The following MAP3K13 variants were observed in gnomAD, a reference collection of about 807,000 sequenced individuals.
MAP3K13 encodes the protein mitogen-activated protein kinase kinase kinase 13.
In MAP3K13, 52 loss-of-function variants were observed where a neutral mutation model predicts 104.0. The observed-to-expected ratio is 0.50, with a 90% CI of 0.40 to 0.63. The LOEUF is 0.63. Ranked by LOEUF, MAP3K13 falls within the 20% of genes least tolerant of loss-of-function variation. The probability of loss-of-function intolerance (pLI) is 0.00; values close to 1 mark genes in which losing one functional copy is unlikely to be tolerated. For missense variants in MAP3K13, 914 were observed against 1,218.5 expected (o/e 0.75, Z 3.72); for synonymous variants, 394 against 442.2 (o/e 0.89, Z 1.37).
chr3:185,429,759 G>A (rs556121948), intron 2 of MAP3K13, among the ~76,000 whole-genome samples: 1 of 152,256 alleles, frequency 6.6e-6, no homozygotes, highest in East Asian at 1.9e-4. Context: ...AGATTGTAGG[G>A]CTTAGATTAT....
intron 2 of MAP3K13, among the ~76,000 whole-genome samples, chr3:185,302,590 A>T (rs887899908): frequency 1.3e-5 from 2 of 151,490 alleles, no homozygotes; most frequent in African/African-American, 4.9e-5. Context: ...ATTCTTTTTG[A>T]TGCTATTATA....
chr3:185,369,300 T>C (rs12152228), intron 1 of MAP3K13, among the ~76,000 whole-genome samples: 72,872 of 152,106 alleles, frequency 0.48, 19,292 homozygotes, highest in Middle Eastern at 0.63. Flanking sequence ...CTCAAAGAGA[T>C]GGTGAACCAT....
At position 185,473,789 on chromosome 3, in the gene MAP3K13, C is replaced by A; in HGVS notation, c.2430+28C>A. 1 of 1,583,150 alleles carries A rather than the reference C, an allele frequency of 6.3e-7. No homozygotes were observed. The highest frequency in any genetic ancestry group is 1.2e-5 in the South Asian group (1 of 86,560). On this transcript the variant is annotated intron_variant, in intron 11 of 13. Coordinates refer to ENST00000265026, the MANE Select transcript of MAP3K13 (RefSeq NM_004721.5). This position sits in a 1 kb window ranked among gnomAD's most constrained non-coding sequence, Gnocchi z 4.9. The stretch of plus-strand genomic sequence containing the variant: ...AAAGTGTAATGATGAGAGTGGCCTG[C>A]GTCACTGCCTTCAAAGAATGCCAGA...
At chr3:185,444,191 C>A (rs900916787) in intron 4 of MAP3K13, among the ~76,000 whole-genome samples, 4 of 152,002 alleles carry the variant, frequency 2.6e-5, no homozygotes, top group African/African-American at 9.7e-5. Flanking sequence ...AAAAAATCAG[C>A]CAGGCATGGT....
chr3:185,476,564 C>T (rs1718141754), intron 11 of MAP3K13: 1 of 152,028 alleles, frequency 6.6e-6, no homozygotes, highest in Admixed American at 6.6e-5. Flanking sequence ...GCTCCTATGC[C>T]CTTGGTGTGA....
At chr3:185,389,663 G>A (rs1191528518) in intron 1 of MAP3K13, among the ~76,000 whole-genome samples, 6 of 150,860 alleles carry the variant, frequency 4.0e-5, no homozygotes, top group African/African-American at 1.2e-4. Context: ...TATTTTAGTC[G>A]GGCAGCAATT....
intron 7 of MAP3K13, among the ~76,000 whole-genome samples, chr3:185,455,358 T>C (rs1337146566): frequency 9.3e-6 from 1 of 107,206 alleles, no homozygotes; most frequent in African/African-American, 3.5e-5. Context: ...ATGATATATA[T>C]ATGAGATATA....
intron 3 of MAP3K13, among the ~76,000 whole-genome samples, chr3:185,441,264 GA>G (rs77524537): frequency 0.049 from 7,492 of 152,278 alleles, 299 homozygotes; most frequent in East Asian, 0.22. Flanking sequence ...TTGAAAAATA[GA>G]AGAGGTTCTT....
At chr3:185,347,739 T>G (rs1466657931) in intron 2 of MAP3K13, among the ~76,000 whole-genome samples, 1 of 152,170 alleles carries the variant, frequency 6.6e-6, no homozygotes, top group East Asian at 1.9e-4. Context: ...CCAGGCGTAG[T>G]GGCGCACACC....
At chr3:185,394,262 G>C (rs1268222611) in intron 1 of MAP3K13, among the ~76,000 whole-genome samples, 2 of 152,216 alleles carry the variant, frequency 1.3e-5, no homozygotes, top group Non-Finnish European at 2.9e-5. Flanking sequence ...ACAGGTGTCA[G>C]TGACTTCTCA....
At position 185,447,955 on chromosome 3, in the gene MAP3K13, G is replaced by A; in HGVS notation, c.1010+8G>A. The A allele has an allele frequency of 1.2e-6, 2 of 1,600,152 alleles. No individual in the cohort carries two copies. Among genetic ancestry groups the A allele is most frequent in the South Asian group, 1.1e-5 (1 of 89,222 alleles). Reference sequence around the variant, plus strand: ...TGAAAAAGTTGATATATGGTGAGTGGCGCCACCAGTTGTGCCAACTAAAAA... The same window carrying A: ...TGAAAAAGTTGATATATGGTGAGTGACGCCACCAGTTGTGCCAACTAAAAA... On this transcript the variant is annotated splice_region_variant and intron_variant, in intron 5 of 13. Transcript: ENST00000265026.
intron 7 of MAP3K13, among the ~76,000 whole-genome samples, chr3:185,454,870 G>A (rs1365141587): frequency 3.0e-5 from 1 of 33,780 alleles, no homozygotes; most frequent in Non-Finnish European, 7.2e-5. Context: ...ATATATATAT[G>A]AGATATATAT....
intron 7 of MAP3K13, among the ~76,000 whole-genome samples, chr3:185,454,842 A>G (rs1156681017): frequency 1.0e-5 from 1 of 96,122 alleles, no homozygotes; most frequent in Non-Finnish European, 2.0e-5. Context: ...CATGATATAT[A>G]TATGAGATAT....
chr3:185,341,819 C>G (rs1328408960), intron 2 of MAP3K13, among the ~76,000 whole-genome samples: 1 of 152,166 alleles, frequency 6.6e-6, no homozygotes, highest in Non-Finnish European at 1.5e-5. Flanking sequence ...CACGCCATGC[C>G]TATTTATTTG....
At chr3:185,379,723 G>A (rs975106987) in intron 1 of MAP3K13, among the ~76,000 whole-genome samples, 2 of 152,310 alleles carry the variant, frequency 1.3e-5, no homozygotes, top group Middle Eastern at 3.4e-3. Context: ...TTCTTTTGAT[G>A]AGTTATACAT....
intron 1 of MAP3K13, chr3:185,285,285 T>C (rs1446621922): frequency 4.9e-6 from 1 of 206,010 alleles, no homozygotes; most frequent in African/African-American, 2.3e-5. Context: ...AAAATTATGG[T>C]ACAAAGTCAT....
intron 8 of MAP3K13, among the ~76,000 whole-genome samples, 163 bp from the exon 9 acceptor site, chr3:185,465,584 C>T (rs567076836): frequency 2.0e-5 from 3 of 152,286 alleles, no homozygotes; most frequent in Middle Eastern, 3.4e-3. Context: ...TCCCACCTCC[C>T]GTTCCATTTT....
intron 1 of MAP3K13, among the ~76,000 whole-genome samples, chr3:185,422,345 T>A (rs1385880316): frequency 6.6e-6 from 1 of 152,232 alleles, no homozygotes; most frequent in Non-Finnish European, 1.5e-5. Context: ...GTCGACAATC[T>A]CTCTGAAATT....
chr3:185,397,689 G>A (rs1373819724), intron 1 of MAP3K13, among the ~76,000 whole-genome samples: 1 of 151,790 alleles, frequency 6.6e-6, no homozygotes, highest in Non-Finnish European at 1.5e-5. Context: ...CTTTTTACAG[G>A]GGGGAGAAAG....
Sources: allele counts gnomAD v4.1 joint callset (sites outside exome capture counted in the v4.1 genomes callset), GRCh38; gene constraint gnomAD v4.1.1; non-coding constraint Gnocchi (gnomAD v3.1); transcripts MANE v1.5; gene names NCBI Gene and HGNC (gene_info 2026-07-23, HGNC 2026-07-21).